The following COMMD1 variants were observed in gnomAD, a reference collection of about 807,000 sequenced individuals.
COMMD1 encodes COMM domain-containing protein 1.
COMMD1 carries 10 observed loss-of-function variants against 17.2 expected under a neutral mutation model. The observed-to-expected ratio is 0.58, with a 90% CI of 0.36 to 0.99. The LOEUF is 0.99. Ranked by LOEUF, COMMD1 falls within the 50% of genes least tolerant of loss-of-function variation. The probability of loss-of-function intolerance (pLI) is 0.01; values close to 1 mark genes in which losing one functional copy is unlikely to be tolerated. For missense variants in COMMD1, 270 were observed against 231.8 expected (o/e 1.17, Z -1.07); for synonymous variants, 97 against 91.6 (o/e 1.06, Z -0.34).
chr2:61,983,961 G>A (rs1672030138), intron 1 of COMMD1, among the ~76,000 whole-genome samples: 1 of 152,096 alleles, frequency 6.6e-6, no homozygotes, highest in African/African-American at 2.4e-5. Context: ...TTGACATGGG[G>A]ACTTATAGCT....
intron 1 of COMMD1, among the ~76,000 whole-genome samples, chr2:61,892,956 T>C (rs1416747008): frequency 6.6e-6 from 1 of 151,698 alleles, no homozygotes; most frequent in Non-Finnish European, 1.5e-5. Context: ...CAACCTCTGC[T>C]CCACGGGTTC....
rs368870488 is a variant in COMMD1, at chr2:61,899,396, T to C, written n.119+10554T>C. Among the ~76,000 whole-genome samples, 23 of 152,364 alleles carry C rather than the reference T, an allele frequency of 1.5e-4. No individual in the cohort carries two copies. In the East Asian group the frequency reaches 3.5e-3, roughly 23 times the overall value. On this transcript the variant is annotated intron_variant and non_coding_transcript_variant, in intron 1 of 2. Transcript: ENST00000472729. ...AGTTACTTTTCTGCCATTGCCTGTCTTTGTTCATCCTAATATAAAAGCATT... is the reference window on the plus strand; with the variant it reads ...AGTTACTTTTCTGCCATTGCCTGTCCTTGTTCATCCTAATATAAAAGCATT...
chr2:61,944,206 C>T (rs1043779748), intron 1 of COMMD1, among the ~76,000 whole-genome samples: 2 of 152,274 alleles, frequency 1.3e-5, no homozygotes, highest in Non-Finnish European at 2.9e-5. Flanking sequence ...AATCCTAGCA[C>T]TTTGGGAGGC....
intron 1 of COMMD1, among the ~76,000 whole-genome samples, chr2:61,999,366 TA>T (rs1193800770): frequency 6.6e-6 from 1 of 152,176 alleles, no homozygotes; most frequent in Non-Finnish European, 1.5e-5. Context: ...TGGGAAAGTA[TA>T]AAGTAGTATA....
At chr2:61,929,029 G>T (rs981962946) in intron 1 of COMMD1, among the ~76,000 whole-genome samples, 9 of 152,260 alleles carry the variant, frequency 5.9e-5, no homozygotes, top group African/African-American at 1.9e-4. Flanking sequence ...TACATAAGCT[G>T]CTTAGGAGCG....
chr2:61,909,881 G>T (rs1669861355), intron 1 of COMMD1, among the ~76,000 whole-genome samples: 1 of 152,170 alleles, frequency 6.6e-6, no homozygotes, highest in African/African-American at 2.4e-5. Flanking sequence ...ATGTTTTCAG[G>T]TTCAGGTGCT....
intron 2 of COMMD1, among the ~76,000 whole-genome samples, chr2:62,048,270 C>T (rs867224695): frequency 2.9e-4 from 44 of 151,508 alleles, no homozygotes; most frequent in African/African-American, 1.0e-3. Context: ...GCAACCTCCG[C>T]CTCCTGGGTT....
intron 1 of COMMD1, among the ~76,000 whole-genome samples, chr2:61,928,258 G>A (rs148064011): frequency 2.8e-4 from 42 of 152,006 alleles, no homozygotes; most frequent in African/African-American, 9.4e-4. Flanking sequence ...CGCCTCCTAA[G>A]TTCACAATTC....
Position 61,938,280 on chromosome 2 carries a change from C to CAA in COMMD1, c.180+32436_180+32437dup, listed in dbSNP as rs36082372. The stretch of plus-strand genomic sequence containing the variant: ...TTCCTGGGCATGCGTATTAAGAGAC[C>CAA]AAAAAAAAAAAAAAATGGTGAGGTA... On this transcript the variant is annotated intron_variant, in intron 1 of 2. Coordinates refer to ENST00000311832, the MANE Select transcript of COMMD1 (RefSeq NM_152516.4). Among the ~76,000 whole-genome samples, 765 of 127,972 alleles carry CAA rather than the reference C, an allele frequency of 6.0e-3. 9 individuals carry two copies. Among genetic ancestry groups the CAA allele is most frequent in the African/African-American group, 0.016 (598 of 36,328 alleles). The allele number at this position is 127,972 out of a possible 152,430, so 84.0% of individuals were successfully genotyped here. A position where few individuals can be genotyped will look rare whatever the true frequency, so the allele number is the denominator to read the frequency against.
intron 1 of COMMD1, among the ~76,000 whole-genome samples, chr2:61,951,324 G>A (rs1324974113): frequency 6.6e-6 from 1 of 152,124 alleles, no homozygotes; most frequent in Non-Finnish European, 1.5e-5. Flanking sequence ...ATTAGGCATG[G>A]TGGCGCGTGC....
intron 1 of COMMD1, among the ~76,000 whole-genome samples, chr2:61,990,046 A>G (rs969907296): frequency 5.9e-5 from 9 of 152,236 alleles, no homozygotes; most frequent in African/African-American, 1.9e-4. Context: ...AAGAGGTGGT[A>G]TCAACAAGGT....
chr2:61,988,940 A>G (rs1672174368), intron 1 of COMMD1, among the ~76,000 whole-genome samples: 1 of 152,184 alleles, frequency 6.6e-6, no homozygotes, highest in South Asian at 2.1e-4. Context: ...GTTCCAATGT[A>G]AAGTCCCACA....
intron 1 of COMMD1, among the ~76,000 whole-genome samples, chr2:61,921,897 A>G (rs1670207317): frequency 6.6e-6 from 1 of 152,132 alleles, no homozygotes; most frequent in South Asian, 2.1e-4. Context: ...GGTTTTTTAA[A>G]CTATTATTTA....
At chr2:62,040,903 G>T (rs1023141528) in intron 2 of COMMD1, among the ~76,000 whole-genome samples, 10 of 152,172 alleles carry the variant, frequency 6.6e-5, no homozygotes, top group Non-Finnish European at 1.5e-4. Context: ...TAGAGATGGG[G>T]TTTTGCCATG....
At chr2:62,129,053 C>T (rs760230759) in intron 2 of COMMD1, among the ~76,000 whole-genome samples, 3 of 151,914 alleles carry the variant, frequency 2.0e-5, no homozygotes, top group Non-Finnish European at 4.4e-5. Context: ...ACCTTCTTAC[C>T]AACCTAGGCA....
intron 2 of COMMD1, among the ~76,000 whole-genome samples, chr2:62,090,123 T>C (rs2103996255): frequency 6.6e-6 from 1 of 151,424 alleles, no homozygotes; most frequent in East Asian, 1.9e-4. Context: ...ATTTATTTTG[T>C]GAGCTACCAT....
chr2:62,131,580 T>C (rs761006749), intron 2 of COMMD1, among the ~76,000 whole-genome samples: 11 of 152,134 alleles, frequency 7.2e-5, no homozygotes, highest in Non-Finnish European at 1.5e-4. Flanking sequence ...TCTTACTCTA[T>C]TGCCAAGGCT....
At chr2:62,128,340 AAAAAAAAC>A (rs1267766706) in intron 2 of COMMD1, among the ~76,000 whole-genome samples, 3 of 151,840 alleles carry the variant, frequency 2.0e-5, no homozygotes, top group East Asian at 1.9e-4. Context: ...AAAAAGAAAA[AAAAAAAAC>A]AAAAAAACTC....
At chr2:62,063,378 G>C (rs1670923858) in intron 2 of COMMD1, among the ~76,000 whole-genome samples, 1 of 152,078 alleles carries the variant, frequency 6.6e-6, no homozygotes, top group African/African-American at 2.4e-5. Context: ...TTTTAGTAGA[G>C]ACAGGGTTTC....
Sources: gnomAD v4.1 joint callset for allele counts (sites outside exome capture counted in the v4.1 genomes callset) on GRCh38, gnomAD v4.1.1 for gene constraint, MANE v1.5 for transcripts, NCBI Gene and HGNC (gene_info 2026-07-23, HGNC 2026-07-21) for gene names.